The following SLCO3A1 variants were observed in gnomAD, a reference collection of about 807,000 sequenced individuals.
The protein encoded by SLCO3A1 is PGE1 transporter.
A neutral mutation model predicts 63.1 loss-of-function variants in SLCO3A1; 27 were observed. That is an observed-to-expected ratio of 0.43 (90% CI 0.32 to 0.59). SLCO3A1 has a LOEUF of 0.59. Among genes scored for constraint, SLCO3A1 ranks in the 20% least tolerant of loss-of-function variants. SLCO3A1 has a pLI of 0.09. For missense variants in SLCO3A1, 773 were observed against 945.8 expected (o/e 0.82, Z 2.40); for synonymous variants, 473 against 409.9 (o/e 1.15, Z -1.86).
At position 92,009,032 on chromosome 15, in the gene SLCO3A1, A is replaced by G. The variant is rs577870923; in HGVS notation, c.647-85849A>G. On this transcript the variant is annotated intron_variant, in intron 2 of 9. Transcript: ENST00000318445. The stretch of plus-strand genomic sequence containing the variant: ...GAATGAAAAATATATTACTTCTGAC[A>G]TGTTCTTTTTAATTGAAATGACATT... Among the ~76,000 whole-genome samples, 3 of 152,290 alleles carry G rather than the reference A, an allele frequency of 2.0e-5. No homozygotes were observed. In the South Asian group the frequency reaches 6.2e-4, roughly 32 times the overall value.
chr15:92,054,520 T>G (rs752773972), intron 2 of SLCO3A1, among the ~76,000 whole-genome samples: 7 of 152,162 alleles, frequency 4.6e-5, no homozygotes, highest in Non-Finnish European at 8.8e-5. Context: ...GGGAAACATG[T>G]GCCATGGTGG....
intron 2 of SLCO3A1, among the ~76,000 whole-genome samples, chr15:92,090,981 G>A (rs2047466773): frequency 6.6e-6 from 1 of 152,188 alleles, no homozygotes; most frequent in Admixed American, 6.5e-5. Flanking sequence ...TCATGGAGCT[G>A]GGAAGTGGTA....
intron 5 of SLCO3A1, among the ~76,000 whole-genome samples, chr15:92,121,200 G>A (rs1273508154): frequency 6.6e-6 from 1 of 152,228 alleles, no homozygotes. Context: ...TTGCACTCAT[G>A]AGAAGCAGTG....
rs576828175 is a variant in SLCO3A1, at chr15:92,041,830, T to TTATTAAAAA, written c.647-53050_647-53049insATTAAAAAT. Among the ~76,000 whole-genome samples the TTATTAAAAA allele has an allele frequency of 3.4e-3, 515 of 152,308 alleles. 4 individuals are homozygous for TTATTAAAAA. Among genetic ancestry groups the TTATTAAAAA allele is most frequent in the African/African-American group, 0.011 (472 of 41,556 alleles). ...AACACAGAGGATAAGTGTAATGACA[T>TTATTAAAAA]TTAAATATTTAATTTTAATATTTTA... On this transcript the variant is annotated intron_variant, in intron 2 of 9. Transcript: ENST00000318445.
chr15:91,923,168 T>G (rs1290907224), intron 2 of SLCO3A1, among the ~76,000 whole-genome samples: 5 of 152,232 alleles, frequency 3.3e-5, no homozygotes, highest in Non-Finnish European at 5.9e-5. Context: ...CTGGCCAGGC[T>G]TTCCATGAAC....
rs541785028 is a variant in SLCO3A1, at chr15:91,948,015, T to C, written c.646+31557T>C. Among the ~76,000 whole-genome samples the C allele has an allele frequency of 6.6e-6, 1 of 152,304 alleles. No homozygotes were observed. The highest frequency in any genetic ancestry group is 2.4e-5 in the African/African-American group (1 of 41,562). On this transcript the variant is annotated intron_variant, in intron 2 of 9. Coordinates refer to ENST00000318445, the MANE Select transcript of SLCO3A1 (RefSeq NM_013272.4). The surrounding 1 kb of genome is among the most constrained non-coding windows in gnomAD (Gnocchi z 4.8). ...AATTGTTTATCCTCCCAACTAGGTG[T>C]TCCAGCAGGGCCGTGGGAGCAGAAG...
chr15:92,031,544 T>C (rs543433281), intron 2 of SLCO3A1, among the ~76,000 whole-genome samples: 21 of 152,320 alleles, frequency 1.4e-4, no homozygotes, highest in African/African-American at 5.1e-4. Context: ...CTTGACTGTC[T>C]TCCTCTTGGG....
intron 2 of SLCO3A1, among the ~76,000 whole-genome samples, chr15:91,982,988 T>C (rs1053254460): frequency 1.3e-5 from 2 of 152,252 alleles, no homozygotes; most frequent in African/African-American, 2.4e-5. Context: ...TGGCAGCCCC[T>C]GCTTGGGCTA....
At chr15:91,947,310 A>G (rs1467709394) in intron 2 of SLCO3A1, among the ~76,000 whole-genome samples, 1 of 152,204 alleles carries the variant, frequency 6.6e-6, no homozygotes, top group African/African-American at 2.4e-5. Context: ...TATCTTTGAA[A>G]TTCAGCTTGT....
chr15:91,901,752 A>G (rs150116782), intron 1 of SLCO3A1, among the ~76,000 whole-genome samples: 8 of 152,014 alleles, frequency 5.3e-5, no homozygotes, highest in South Asian at 2.1e-4. Flanking sequence ...TGCTTTCACA[A>G]TTTTCTGTGG....
At chr15:91,998,355 G>A (rs529534082) in intron 2 of SLCO3A1, among the ~76,000 whole-genome samples, 1 of 152,234 alleles carries the variant, frequency 6.6e-6, no homozygotes, top group African/African-American at 2.4e-5. Flanking sequence ...TCAGGAGGCT[G>A]AGGCACGAGA....
intron 2 of SLCO3A1, among the ~76,000 whole-genome samples, chr15:91,923,515 T>C (rs1463850168): frequency 6.6e-6 from 1 of 152,238 alleles, no homozygotes; most frequent in East Asian, 1.9e-4. Context: ...TTGTATTAAT[T>C]TGGAGGCAGC....
intron 2 of SLCO3A1, among the ~76,000 whole-genome samples, chr15:92,037,022 T>A (rs765103508): frequency 6.6e-6 from 1 of 152,150 alleles, no homozygotes; most frequent in Admixed American, 6.5e-5. Context: ...CTGTTTTGAG[T>A]GCTGAGTATA....
chr15:92,170,382 T>C (rs1352294581), downstream of SLCO3A1, among the ~76,000 whole-genome samples: 1 of 152,188 alleles, frequency 6.6e-6, no homozygotes, highest in Non-Finnish European at 1.5e-5. Context: ...TGATCCCAGG[T>C]ACTGCTCCCA....
intron 2 of SLCO3A1, among the ~76,000 whole-genome samples, chr15:92,080,933 A>C (rs974568407): frequency 8.4e-6 from 1 of 118,384 alleles, no homozygotes; most frequent in African/African-American, 3.2e-5. Flanking sequence ...ATGGATACAT[A>C]GTAGCTGTGT....
intron 2 of SLCO3A1, among the ~76,000 whole-genome samples, chr15:92,004,350 A>G (rs2046289465): frequency 6.6e-6 from 1 of 152,210 alleles, no homozygotes; most frequent in Admixed American, 6.5e-5. Flanking sequence ...TGGAACTGTT[A>G]GGATTAAGTG....
intron 2 of SLCO3A1, among the ~76,000 whole-genome samples, chr15:91,961,042 A>G (rs1900426525): frequency 6.6e-6 from 1 of 151,908 alleles, no homozygotes; most frequent in Non-Finnish European, 1.5e-5. Context: ...TCAGGACGTT[A>G]CTCTCTCCCT....
chr15:92,156,115 C>T (rs2048368316), intron 9 of SLCO3A1, among the ~76,000 whole-genome samples: 2 of 152,150 alleles, frequency 1.3e-5, no homozygotes, highest in Admixed American at 1.3e-4. Flanking sequence ...TGTTGAGTTC[C>T]TGCTGTGAGC....
intron 2 of SLCO3A1, among the ~76,000 whole-genome samples, chr15:92,058,849 T>C (rs1023132519): frequency 1.3e-5 from 2 of 152,184 alleles, no homozygotes. Context: ...CGAGGTGTTA[T>C]TTGGCTTAGA....
Sources: allele counts gnomAD v4.1 joint callset (sites outside exome capture counted in the v4.1 genomes callset), GRCh38; gene constraint gnomAD v4.1.1; non-coding constraint Gnocchi (gnomAD v3.1); transcripts MANE v1.5; gene names NCBI Gene and HGNC (gene_info 2026-07-23, HGNC 2026-07-21).